The following BBS9 variants were observed in gnomAD, a reference collection of about 807,000 sequenced individuals.
BBS9 encodes Bardet-Biedl syndrome 9, also known as protein PTHB1.
Under a neutral mutation model 117.7 loss-of-function variants are expected in BBS9, and 89 were observed. That is an observed-to-expected ratio of 0.76 (90% CI 0.64 to 0.90). BBS9 has a LOEUF of 0.90. Among genes scored for constraint, BBS9 ranks in the 40% least tolerant of loss-of-function variants. The pLI is 0.00. For missense variants in BBS9, 982 were observed against 1,042.2 expected, an observed-to-expected ratio of 0.94 and a Z score of 0.80; for synonymous variants, 379 against 370.9, an observed-to-expected ratio of 1.02 and a Z score of -0.25.
At chr7:33,349,232 G>T (rs1190459049) in intron 13 of BBS9, 62 bp downstream of exon 13, 5 of 1,170,780 alleles carry the variant, frequency 4.3e-6, no homozygotes, top group African/African-American at 1.5e-5. Flanking sequence ...ATACTAGTTT[G>T]TTCATTTAAT....
chr7:33,241,274 A>G (rs1258122447), intron 5 of BBS9, among the ~76,000 whole-genome samples: 1 of 152,150 alleles, frequency 6.6e-6, no homozygotes. Context: ...TTCCTACACA[A>G]TATATAACAT....
intron 12 of BBS9, chr7:33,346,375 G>GGCA (rs1817599168): frequency 2.6e-6 from 1 of 387,844 alleles, no homozygotes; most frequent in Non-Finnish European, 5.2e-6. Context: ...AACTAGGCGA[G>GGCA]TGGTTGTTCA....
chr7:33,480,505 G>T (rs1842387384), intron 19 of BBS9, among the ~76,000 whole-genome samples: 1 of 152,130 alleles, frequency 6.6e-6, no homozygotes, highest in African/African-American at 2.4e-5. Context: ...TAGACATTAT[G>T]GGCAAGAATG....
At chr7:33,178,119 C>G (rs1269833250) in intron 5 of BBS9, among the ~76,000 whole-genome samples, 1 of 152,202 alleles carries the variant, frequency 6.6e-6, no homozygotes, top group East Asian at 1.9e-4. Context: ...TCTCTCCACT[C>G]TACCCATATC....
At chr7:33,396,791 G>T (rs530723093) in intron 19 of BBS9, among the ~76,000 whole-genome samples, 1 of 152,238 alleles carries the variant, frequency 6.6e-6, no homozygotes, top group Non-Finnish European at 1.5e-5. Flanking sequence ...GCATGGTACT[G>T]GTACAAGAAC....
chr7:33,627,457 G>A (rs983485931), intron 21 of BBS9, among the ~76,000 whole-genome samples: 1 of 152,170 alleles, frequency 6.6e-6, no homozygotes, highest in African/African-American at 2.4e-5. Context: ...GTCCCCAGTG[G>A]GGCACTGCCT....
chr7:33,385,939 C>G (rs1825924955), intron 18 of BBS9, among the ~76,000 whole-genome samples: 1 of 151,918 alleles, frequency 6.6e-6, no homozygotes, highest in Admixed American at 6.6e-5. Flanking sequence ...AAAGAGAACA[C>G]TTGGACACAG....
intron 3 of BBS9, 25 bp from the exon 4 acceptor site, chr7:33,155,612 CT>C (rs1481174595): frequency 6.5e-7 from 1 of 1,548,338 alleles, no homozygotes; most frequent in African/African-American, 1.4e-5. Flanking sequence ...TATTGGAAAA[CT>C]TTAAAAACTT....
downstream of BBS9, among the ~76,000 whole-genome samples, chr7:33,609,329 G>T (rs79779382): frequency 6.6e-6 from 1 of 151,912 alleles, no homozygotes; most frequent in East Asian, 1.9e-4. Flanking sequence ...AATATTTTTC[G>T]AATATGTTCA....
intron 19 of BBS9, among the ~76,000 whole-genome samples, chr7:33,444,192 G>T (rs1836641274): frequency 6.6e-6 from 1 of 152,092 alleles, no homozygotes; most frequent in African/African-American, 2.4e-5. Flanking sequence ...TGTCTTAGAT[G>T]GGGGCTTAGA....
intron 12 of BBS9, 141 bp downstream of exon 12, chr7:33,344,775 T>A: frequency 1.2e-6 from 1 of 842,968 alleles, no homozygotes; most frequent in South Asian, 1.4e-5. Context: ...CAGCCTTGAG[T>A]AGTGAATAGA....
chr7:33,617,943 G>T (rs1254947362), intron 21 of BBS9, among the ~76,000 whole-genome samples: 1 of 152,176 alleles, frequency 6.6e-6, no homozygotes, highest in African/African-American at 2.4e-5. Flanking sequence ...CTTCAAAAAT[G>T]AAGGGGAGAT....
chr7:33,393,883 G>A (rs1008417954), intron 19 of BBS9, among the ~76,000 whole-genome samples: 1 of 152,088 alleles, frequency 6.6e-6, no homozygotes, highest in Non-Finnish European at 1.5e-5. Context: ...ATAGTTTTGA[G>A]TTTTGGTGCA....
At chr7:33,147,837 A>G (rs141246097) in intron 2 of BBS9, among the ~76,000 whole-genome samples, 2 of 151,686 alleles carry the variant, frequency 1.3e-5, no homozygotes, top group Non-Finnish European at 3.0e-5. Context: ...GTTTGTGGTG[A>G]GCTGTGAGCA....
chr7:33,619,929 T>C (rs1428816338), intron 21 of BBS9, among the ~76,000 whole-genome samples: 1 of 152,022 alleles, frequency 6.6e-6, no homozygotes, highest in Non-Finnish European at 1.5e-5. Context: ...AACCTAGTGT[T>C]ACACCTCAAA....
intron 16 of BBS9, among the ~76,000 whole-genome samples, chr7:33,361,710 A>G (rs1019443298): frequency 6.6e-6 from 1 of 152,026 alleles, no homozygotes; most frequent in Non-Finnish European, 1.5e-5. Flanking sequence ...TAAGGTTTAT[A>G]TTTTTAGGTA....
chr7:33,155,390 T>A (rs1168347963), intron 3 of BBS9, among the ~76,000 whole-genome samples: 1 of 152,178 alleles, frequency 6.6e-6, no homozygotes, highest in Non-Finnish European at 1.5e-5. Flanking sequence ...AGATCTGACT[T>A]TTTCTTGGAA....
chr7:33,341,179 A>G (rs1584406710), intron 11 of BBS9, among the ~76,000 whole-genome samples: 1 of 152,192 alleles, frequency 6.6e-6, no homozygotes, highest in Non-Finnish European at 1.5e-5. Context: ...TTTCTGTTTT[A>G]AAAAGAAGTG....
chr7:33,622,990 C>G (rs192507631), intron 21 of BBS9, among the ~76,000 whole-genome samples: 1 of 152,248 alleles, frequency 6.6e-6, no homozygotes, highest in Admixed American at 6.5e-5. Context: ...AGGAGAATGT[C>G]TTTATGACCT....
Sources: gnomAD v4.1 joint callset for allele counts (sites outside exome capture counted in the v4.1 genomes callset) on GRCh38, gnomAD v4.1.1 for gene constraint, MANE v1.5 for transcripts, NCBI Gene and HGNC (gene_info 2026-07-23, HGNC 2026-07-21) for gene names.